The following CDH4 variants were observed in gnomAD, a reference collection of about 807,000 sequenced individuals.
The protein encoded by CDH4 is cadherin-4.
Under a neutral mutation model 86.0 loss-of-function variants are expected in CDH4, and 33 were observed. The observed-to-expected ratio is 0.38, with a 90% CI of 0.29 to 0.51. CDH4 has a LOEUF of 0.51. Among genes scored for constraint, CDH4 ranks in the 20% least tolerant of loss-of-function variants. CDH4 has a pLI of 0.86. For synonymous variants in CDH4, 555 were observed against 549.4 expected, an observed-to-expected ratio of 1.01 and a Z score of -0.14; for missense variants, 1,114 against 1,307.4, an observed-to-expected ratio of 0.85 and a Z score of 2.28.
chr20:61,388,436 A>G (rs2084963870), intron 2 of CDH4, among the ~76,000 whole-genome samples: 1 of 128,618 alleles, frequency 7.8e-6, no homozygotes, highest in Non-Finnish European at 1.6e-5. Context: ...CCTGTCCCAG[A>G]AGTGGTCTCA....
At chr20:61,841,754 AGT>A (rs778765000) in intron 4 of CDH4, among the ~76,000 whole-genome samples, 2 of 151,402 alleles carry the variant, frequency 1.3e-5, no homozygotes, top group African/African-American at 4.9e-5. Flanking sequence ...TGTGCACAGG[AGT>A]GTGTGTGTGT....
intron 2 of CDH4, among the ~76,000 whole-genome samples, chr20:61,620,991 G>T (rs569535719): frequency 5.9e-5 from 9 of 152,350 alleles, no homozygotes; most frequent in African/African-American, 9.6e-5. Context: ...GTTTGCTCTC[G>T]ATCATGTCTG....
At chr20:61,432,529 A>C (rs906216038) in intron 2 of CDH4, among the ~76,000 whole-genome samples, 1 of 151,998 alleles carries the variant, frequency 6.6e-6, no homozygotes, top group Non-Finnish European at 1.5e-5. Flanking sequence ...TATATTCTAG[A>C]TATAATTTTT....
intron 2 of CDH4, among the ~76,000 whole-genome samples, chr20:61,665,988 G>A (rs1334410590): frequency 6.6e-6 from 1 of 152,198 alleles, no homozygotes; most frequent in Non-Finnish European, 1.5e-5. Context: ...GGGTCCAGGT[G>A]GGAGAATGGC....
At chr20:61,362,860 A>T (rs1260581199) in intron 2 of CDH4, among the ~76,000 whole-genome samples, 1 of 152,178 alleles carries the variant, frequency 6.6e-6, no homozygotes, top group Admixed American at 6.5e-5. Flanking sequence ...AGCAACGTGC[A>T]TCATTGGTCC....
At chr20:61,870,766 G>A (rs1449022538) in intron 6 of CDH4, among the ~76,000 whole-genome samples, 2 of 152,136 alleles carry the variant, frequency 1.3e-5, no homozygotes, top group African/African-American at 4.8e-5. Context: ...CGTAGAGATG[G>A]GTGGTTTCAA....
chr20:61,369,686 A>G (rs1019901475), intron 2 of CDH4, among the ~76,000 whole-genome samples: 4 of 151,906 alleles, frequency 2.6e-5, no homozygotes, highest in African/African-American at 9.7e-5. Flanking sequence ...TCTTCATGCA[A>G]CTTTCTGTAA....
intron 9 of CDH4, among the ~76,000 whole-genome samples, chr20:61,916,237 A>G (rs1372176231): frequency 6.6e-6 from 1 of 152,130 alleles, no homozygotes; most frequent in East Asian, 1.9e-4. Context: ...AGGCCAGTGC[A>G]GGGACCCCAT....
At chr20:61,934,685 C>T (rs1332071153) in intron 15 of CDH4, among the ~76,000 whole-genome samples, 1 of 152,176 alleles carries the variant, frequency 6.6e-6, no homozygotes, top group Non-Finnish European at 1.5e-5. Context: ...GAGGCAGAGG[C>T]CCAAGCCTGG....
chr20:61,459,332 G>A (rs1484717510), intron 2 of CDH4, among the ~76,000 whole-genome samples: 1 of 152,030 alleles, frequency 6.6e-6, no homozygotes, highest in African/African-American at 2.4e-5. Flanking sequence ...TCAGTGTTTG[G>A]GTGGCTGTTG....
intron 2 of CDH4, among the ~76,000 whole-genome samples, chr20:61,460,494 C>T (rs1254773667): frequency 4.6e-5 from 7 of 152,324 alleles, no homozygotes; most frequent in South Asian, 2.1e-4. Flanking sequence ...CCAGAGCCCC[C>T]GGCCTCACCT....
chr20:61,706,550 GA>G (rs1365898745), intron 2 of CDH4, among the ~76,000 whole-genome samples: 4 of 152,206 alleles, frequency 2.6e-5, no homozygotes, highest in Non-Finnish European at 4.4e-5. Flanking sequence ...AGAACGGATG[GA>G]AAGGCCAGCC....
intron 7 of CDH4, among the ~76,000 whole-genome samples, chr20:61,883,324 G>A (rs986406911): frequency 3.3e-5 from 5 of 152,176 alleles, no homozygotes; most frequent in Non-Finnish European, 5.9e-5. Context: ...GCTATTTGCT[G>A]TCGGTCTCCT....
At chr20:61,282,974 C>T (rs6101293) in intron 2 of CDH4, among the ~76,000 whole-genome samples, 1,868 of 9,328 alleles carry the variant, frequency 0.2, 92 homozygotes, top group East Asian at 0.28. Flanking sequence ...TTTGCACGCG[C>T]GTGCTGTGGC....
chr20:61,653,632 G>A (rs1162437495), intron 2 of CDH4, among the ~76,000 whole-genome samples: 3,120 of 74,584 alleles, frequency 0.042, 142 homozygotes, highest in Non-Finnish European at 0.064. Flanking sequence ...CCCAGACGGG[G>A]TGGCTGCCGG....
chr20:61,302,004 C>T (rs1038142803), intron 2 of CDH4, among the ~76,000 whole-genome samples: 6 of 152,228 alleles, frequency 3.9e-5, no homozygotes, highest in African/African-American at 1.2e-4. Flanking sequence ...AAAACGTCTC[C>T]AGGTAGACTT....
intron 9 of CDH4, among the ~76,000 whole-genome samples, chr20:61,911,288 A>G (rs1190494678): frequency 1.3e-5 from 2 of 152,246 alleles, no homozygotes; most frequent in African/African-American, 4.8e-5. Flanking sequence ...CTTCTAGAAA[A>G]GTGTCCATTT....
chr20:61,304,718 C>G (rs1412164196), intron 2 of CDH4, among the ~76,000 whole-genome samples: 2 of 152,022 alleles, frequency 1.3e-5, no homozygotes, highest in Non-Finnish European at 2.9e-5. Flanking sequence ...ACTAGAGCCT[C>G]TGTGTGTGCA....
At chr20:61,808,427 C>T (rs1045153125) in intron 4 of CDH4, among the ~76,000 whole-genome samples, 2 of 152,188 alleles carry the variant, frequency 1.3e-5, no homozygotes, top group Non-Finnish European at 2.9e-5. Flanking sequence ...CTCCGCCCTG[C>T]AGTCGGTGGG....
Sources: allele counts gnomAD v4.1 joint callset (sites outside exome capture counted in the v4.1 genomes callset), GRCh38; gene constraint gnomAD v4.1.1; transcripts MANE v1.5; gene names NCBI Gene and HGNC (gene_info 2026-07-23, HGNC 2026-07-21).